NELL1: variants seen among roughly 807,000 people sequenced by gnomAD.
NELL1 encodes the protein neural EGFL like 1.
Under a neutral mutation model 107.4 loss-of-function variants are expected in NELL1, and 76 were observed. That is an observed-to-expected ratio of 0.71 (90% confidence interval 0.59 to 0.86). The LOEUF is 0.86. Ranked by LOEUF, NELL1 falls within the 40% of genes least tolerant of loss-of-function variation. The pLI is 0.00. For missense variants in NELL1, 1,024 were observed against 1,005.5 expected (o/e 1.02, Z -0.25); for synonymous variants, 353 against 341.2 (o/e 1.03, Z -0.38).
Position 21,575,533 on chromosome 11 carries a change from G to T in NELL1, c.*511G>T, listed in dbSNP as rs78741876. On this transcript the variant is annotated 3_prime_UTR_variant, in exon 20 of 20. Coordinates refer to ENST00000357134, the MANE Select transcript of NELL1 (RefSeq NM_006157.5). ...GATGAAAATATGTATGTAGAGTCCA[G>T]TCGCATTATACATACATTTCATAGT... 0.013 allele frequency: 1,955 copies of T among 154,226 alleles called. 40 individuals carry two copies. Among genetic ancestry groups the T allele is most frequent in the East Asian group, 0.073 (378 of 5,194 alleles). The allele number at this position is 154,226 out of a possible 1,614,324, so 9.6% of individuals were successfully genotyped here.
chr11:21,412,750 G>A (rs1336081420), intron 15 of NELL1, among the ~76,000 whole-genome samples: 1 of 152,084 alleles, frequency 6.6e-6, no homozygotes, highest in Non-Finnish European at 1.5e-5. Flanking sequence ...TATAAACTCA[G>A]TGGATAGAAT....
chr11:20,934,290 GATAC>G (rs1294752437), intron 9 of NELL1, among the ~76,000 whole-genome samples: 1 of 152,174 alleles, frequency 6.6e-6, no homozygotes, highest in East Asian at 1.9e-4. Flanking sequence ...TAATTTCATA[GATAC>G]ATACATTCTG....
intron 13 of NELL1, among the ~76,000 whole-genome samples, chr11:21,185,405 C>T (rs1264814073): frequency 3.3e-5 from 5 of 150,722 alleles, no homozygotes; most frequent in Non-Finnish European, 4.4e-5. Flanking sequence ...AGCGATTCTC[C>T]TGCCTCAGCC....
intron 2 of NELL1, among the ~76,000 whole-genome samples, chr11:20,700,714 T>C (rs1040908826): frequency 2.6e-5 from 4 of 151,900 alleles, no homozygotes; most frequent in African/African-American, 9.7e-5. Context: ...TGTGTCCAAG[T>C]GCTCTCATTG....
chr11:21,550,731 T>C (rs2133989411), intron 16 of NELL1, among the ~76,000 whole-genome samples: 2 of 152,270 alleles, frequency 1.3e-5, no homozygotes, highest in East Asian at 3.9e-4. Context: ...CCATGCTGTT[T>C]TGGTTACTGT....
chr11:21,131,864 G>A (rs1442698660), intron 13 of NELL1, among the ~76,000 whole-genome samples: 1 of 152,118 alleles, frequency 6.6e-6, no homozygotes, highest in Non-Finnish European at 1.5e-5. Context: ...CCATAATGAT[G>A]TTTTATTAAC....
intron 12 of NELL1, among the ~76,000 whole-genome samples, chr11:21,039,426 T>G (rs1853173760): frequency 6.6e-6 from 1 of 152,180 alleles, no homozygotes; most frequent in Non-Finnish European, 1.5e-5. Flanking sequence ...CCTCAGGTGA[T>G]CCACCTGCCT....
chr11:21,027,960 T>G (rs1852858618), intron 12 of NELL1, among the ~76,000 whole-genome samples: 1 of 152,192 alleles, frequency 6.6e-6, no homozygotes, highest in Non-Finnish European at 1.5e-5. Context: ...TGTTTTTTTC[T>G]GGAGTCTAAC....
rs532392851 is a variant in NELL1 at position 21,391,687 on chromosome 11, C to T, written c.1645+20739C>T. On this transcript the variant is annotated intron_variant, in intron 15 of 19. Coordinates refer to ENST00000357134, the MANE Select transcript of NELL1 (RefSeq NM_006157.5). ...TTTTGAGACAGGGTCTCACCCTACC[C>T]AGTCTGGAGTGCGGTAATGCAGTAA... is the stretch of plus-strand genomic sequence containing the variant. 8.6e-5 allele frequency among the ~76,000 whole-genome samples: 13 copies of T among 151,856 alleles called. No individual in the cohort carries two copies. In the South Asian group the frequency reaches 2.7e-3, roughly 32 times the overall value.
chr11:20,746,223 G>T (rs190629135), intron 2 of NELL1, among the ~76,000 whole-genome samples: 2 of 152,234 alleles, frequency 1.3e-5, no homozygotes, highest in Non-Finnish European at 2.9e-5. Context: ...GGGTCTGCTG[G>T]ACCTTTGACC....
intron 13 of NELL1, among the ~76,000 whole-genome samples, chr11:21,148,435 A>G (rs1209846913): frequency 6.6e-6 from 1 of 152,186 alleles, no homozygotes; most frequent in East Asian, 1.9e-4. Context: ...CAGGAAAAGC[A>G]TGTGTTCCTT....
chr11:21,488,136 T>C (rs1213238198), intron 15 of NELL1, among the ~76,000 whole-genome samples: 2 of 152,116 alleles, frequency 1.3e-5, no homozygotes, highest in Admixed American at 6.6e-5. Flanking sequence ...AAATTGACAA[T>C]GAAATCATGG....
intron 15 of NELL1, among the ~76,000 whole-genome samples, chr11:21,516,571 C>A (rs1284618918): frequency 6.6e-6 from 1 of 152,182 alleles, no homozygotes; most frequent in Middle Eastern, 3.2e-3. Context: ...CTAAGCTACA[C>A]ACCTATACAG....
At chr11:21,573,929 G>A (rs754137420) in intron 19 of NELL1, among the ~76,000 whole-genome samples, 1 of 151,716 alleles carries the variant, frequency 6.6e-6, no homozygotes, top group Non-Finnish European at 1.5e-5. Context: ...GCCTAAGGTG[G>A]GGACCTGCAG....
At chr11:21,024,700 ACAG>A (rs1406693522) in intron 12 of NELL1, among the ~76,000 whole-genome samples, 14 of 152,148 alleles carry the variant, frequency 9.2e-5, no homozygotes, top group Admixed American at 7.9e-4. Flanking sequence ...AAAACAAGAC[ACAG>A]CAGCAAAAAT....
rs1032636994 is a variant in NELL1 at position 21,560,167 on chromosome 11, T to A, written c.1787-22T>A. On this transcript the variant is annotated intron_variant, in intron 16 of 19. Coordinates refer to ENST00000357134, the MANE Select transcript of NELL1 (RefSeq NM_006157.5). The stretch of plus-strand genomic sequence containing the variant: ...AAGTTCCCTTGGCTAGATTCTAAGC[T>A]TCTGTGCTTCCTATATTGCAGACAT... The A allele has an allele frequency of 3.1e-6, 5 of 1,611,332 alleles. No homozygotes were observed. The African/African-American group carries it at 6.7e-5, about 22-fold the overall frequency.
intron 2 of NELL1, among the ~76,000 whole-genome samples, chr11:20,725,971 G>T (rs896498829): frequency 6.6e-6 from 1 of 152,010 alleles, no homozygotes; most frequent in African/African-American, 2.4e-5. Context: ...CCAATGTTTA[G>T]CTCCCAGTTG....
chr11:21,279,014 C>T lies in NELL1; in HGVS notation c.1549+49560C>T, dbSNP rs150014102. On this transcript the variant is annotated intron_variant, in intron 14 of 19. Coordinates refer to ENST00000357134, the MANE Select transcript of NELL1 (RefSeq NM_006157.5). The stretch of plus-strand genomic sequence containing the variant: ...CTGATCTTAGACAAAGGAGCAAACA[C>T]AATATCATGAAGGAAAATTGTCATC... Among the ~76,000 whole-genome samples the T allele has an allele frequency of 4.6e-5, 7 of 152,222 alleles. No homozygotes were observed. In the East Asian group the frequency reaches 5.8e-4, roughly 13 times the overall value.
At chr11:21,207,196 C>T (rs1410936202) in intron 13 of NELL1, among the ~76,000 whole-genome samples, 3 of 152,188 alleles carry the variant, frequency 2.0e-5, no homozygotes, top group Non-Finnish European at 4.4e-5. Flanking sequence ...ATCTGTATTA[C>T]TTGCCTGGTG....
Sources: allele counts gnomAD v4.1 joint callset (sites outside exome capture counted in the v4.1 genomes callset), GRCh38; gene constraint gnomAD v4.1.1; transcripts MANE v1.5; gene names NCBI Gene and HGNC (gene_info 2026-07-23, HGNC 2026-07-21).